SHC4: variants seen among roughly 807,000 people sequenced by gnomAD.
SHC4 encodes the protein SHC adaptor protein 4.
SHC4 carries 41 observed loss-of-function variants against 69.4 expected under a neutral mutation model. The ratio of observed to expected loss-of-function variants is 0.59; its 90% CI spans 0.46 to 0.77. The LOEUF is 0.77. Ranked by LOEUF, SHC4 falls within the 30% of genes least tolerant of loss-of-function variation. SHC4 has a pLI of 0.00. For missense variants in SHC4, 777 were observed against 783.8 expected (o/e 0.99, Z 0.10); for synonymous variants, 318 against 299.3 (o/e 1.06, Z -0.64).
In SHC4 at chr15:48,930,246, A is replaced by T. The variant is rs74012195; in HGVS notation, c.586-5297T>A. 6.9e-3 allele frequency among the ~76,000 whole-genome samples: 1,046 copies of T among 152,370 alleles called. 15 individuals carry two copies. Among genetic ancestry groups the T allele is most frequent in the African/African-American group, 0.024 (1,004 of 41,580 alleles). On this transcript the variant is annotated intron_variant, in intron 1 of 11. Transcript: ENST00000332408. ...ATACTTTTGTACTGTTTATACAAAT[A>T]AGTGTAAACATATTTATTTTTAAAA... is the stretch of plus-strand genomic sequence containing the variant.
intron 10 of SHC4, among the ~76,000 whole-genome samples, chr15:48,838,121 T>C (rs924939302): frequency 2.0e-5 from 3 of 152,216 alleles, no homozygotes; most frequent in South Asian, 2.1e-4. Flanking sequence ...TATAGAGCAA[T>C]TTAAAATAGT....
chr15:48,848,200 C>T (rs1899132962), intron 9 of SHC4, among the ~76,000 whole-genome samples: 1 of 152,122 alleles, frequency 6.6e-6, no homozygotes, highest in African/African-American at 2.4e-5. Flanking sequence ...TGATTCCTTC[C>T]ATCCCACCAT....
chr15:48,856,027 C>T lies in SHC4; in HGVS notation c.1168G>A (p.Asp390Asn). 3 of 1,613,968 alleles carry T rather than the reference C, an allele frequency of 1.9e-6. No individual in the cohort carries two copies. Among genetic ancestry groups the T allele is most frequent in the Non-Finnish European group, 2.5e-6 (3 of 1,179,882 alleles). The part of the protein sequence containing the change: ...GKQPPVGGVS[D>N]MRIKVQATEQ... ...GTGGCTTGAACTTTGATCCGCATAT[C>T]TGAAACACCACCTACTGGTGGCTGC... Residue 390 changes from aspartate (D) to asparagine (N), a missense_variant, in exon 8 of 12, where the codon GAT becomes AAT. Asp to Asn is a conservative substitution (Grantham distance 23). Coordinates refer to ENST00000332408, the MANE Select transcript of SHC4 (RefSeq NM_203349.4).
At chr15:48,936,786 A>T (rs1901079141) in intron 1 of SHC4, among the ~76,000 whole-genome samples, 1 of 152,218 alleles carries the variant, frequency 6.6e-6, no homozygotes. Context: ...TGAAAAAAGT[A>T]CTGGTCATCT....
chr15:48,856,338 G>C (rs753170294), intron 7 of SHC4, among the ~76,000 whole-genome samples: 2 of 152,182 alleles, frequency 1.3e-5, no homozygotes, highest in East Asian at 1.9e-4. Flanking sequence ...TAAGCCAATA[G>C]AAAGTGCCAA....
chr15:48,926,429 C>T lies in SHC4; in HGVS notation c.586-1480G>A, dbSNP rs548311554. Among the ~76,000 whole-genome samples the T allele has an allele frequency of 1.2e-3, 182 of 151,996 alleles. 1 individual carries two copies. Among genetic ancestry groups the T allele is most frequent in the Middle Eastern group, 3.4e-3 (1 of 294 alleles). On this transcript the variant is annotated intron_variant, in intron 1 of 11. Coordinates refer to ENST00000332408, the MANE Select transcript of SHC4 (RefSeq NM_203349.4). Reference sequence around the variant, plus strand: ...TGTCAGGAGCTGGTGGGGAGGGGCACCTACCCAAACACTTCTTGTATAATA... The same window carrying T: ...TGTCAGGAGCTGGTGGGGAGGGGCATCTACCCAAACACTTCTTGTATAATA...
chr15:48,934,994 A>G (rs1056266864), intron 1 of SHC4, among the ~76,000 whole-genome samples: 1 of 152,312 alleles, frequency 6.6e-6, no homozygotes, highest in Admixed American at 6.5e-5. Context: ...AATGTTCTGT[A>G]ATTGGTGATA....
At chr15:48,857,063 G>A (rs900878374) in intron 7 of SHC4, among the ~76,000 whole-genome samples, 8 of 152,042 alleles carry the variant, frequency 5.3e-5, no homozygotes, top group Non-Finnish European at 1.0e-4. Context: ...TTGTTTCTCC[G>A]GCATGAATTG....
intron 6 of SHC4, 39 bp downstream of exon 6, chr15:48,867,779 T>G (rs746844664): frequency 1.9e-6 from 3 of 1,580,108 alleles, no homozygotes; most frequent in Non-Finnish European, 2.6e-6. Flanking sequence ...AGTTGGTATA[T>G]ACCAGCTCTT....
At chr15:48,928,431 G>C (rs1900895186) in intron 1 of SHC4, among the ~76,000 whole-genome samples, 2 of 152,122 alleles carry the variant, frequency 1.3e-5, no homozygotes, top group Admixed American at 1.3e-4. Flanking sequence ...TGTTCAGACA[G>C]AAATGTCTGA....
chr15:48,934,982 A>C (rs1595762987), intron 1 of SHC4, among the ~76,000 whole-genome samples: 1 of 152,210 alleles, frequency 6.6e-6, no homozygotes, highest in East Asian at 1.9e-4. Flanking sequence ...GGGGTTGATA[A>C]AAATGTTCTG....
chr15:48,867,889 A>G lies in SHC4; in HGVS notation c.895-20T>C, dbSNP rs1319482736. 6.2e-7 allele frequency: 1 copy of G among 1,601,912 alleles called. No homozygotes were observed. Among genetic ancestry groups the G allele is most frequent in the Non-Finnish European group, 8.5e-7 (1 of 1,169,908 alleles). ...AGTATCCTATAAAAAAGGGAAAATGACTGTATTTAAAATGGATGAACTGTA... is the reference window on the plus strand; with the variant it reads ...AGTATCCTATAAAAAAGGGAAAATGGCTGTATTTAAAATGGATGAACTGTA... On this transcript the variant is annotated intron_variant, in intron 5 of 11. Transcript: ENST00000332408.
intron 11 of SHC4, among the ~76,000 whole-genome samples, chr15:48,833,398 T>C (rs966552762): frequency 1.3e-5 from 2 of 152,158 alleles, no homozygotes; most frequent in African/African-American, 2.4e-5. Flanking sequence ...TTGTCCATGG[T>C]CACAGGCATC....
At chr15:48,840,024 A>G (rs1457056581) in intron 10 of SHC4, among the ~76,000 whole-genome samples, 2 of 152,178 alleles carry the variant, frequency 1.3e-5, no homozygotes, top group Admixed American at 1.3e-4. Context: ...TCTGGGTCAC[A>G]TCCTTTAAAG....
chr15:48,833,596 G>A (rs965125152), intron 11 of SHC4, among the ~76,000 whole-genome samples: 1 of 152,138 alleles, frequency 6.6e-6, no homozygotes, highest in Non-Finnish European at 1.5e-5. Flanking sequence ...AAGCTATCCT[G>A]TGCTCTTCTT....
At chr15:48,900,784 G>A (rs1446705297) in intron 2 of SHC4, among the ~76,000 whole-genome samples, 6 of 152,192 alleles carry the variant, frequency 3.9e-5, no homozygotes, top group Non-Finnish European at 8.8e-5. Context: ...CTGAAGACTG[G>A]GTCTCAGCTC....
intron 1 of SHC4, among the ~76,000 whole-genome samples, chr15:48,951,454 A>T (rs532975010): frequency 6.6e-6 from 1 of 152,118 alleles, no homozygotes; most frequent in Admixed American, 6.5e-5. Context: ...TTCCTAAAGC[A>T]TATCTCTGCA....
chr15:48,876,078 A>G (rs1725296996), intron 4 of SHC4, among the ~76,000 whole-genome samples: 1 of 152,202 alleles, frequency 6.6e-6, no homozygotes, highest in Non-Finnish European at 1.5e-5. Context: ...TCTTTGTAGA[A>G]AAACAGTCAC....
chr15:48,851,351 C>T (rs1162086303), intron 8 of SHC4, 103 bp from the exon 9 acceptor site: 3 of 1,062,258 alleles, frequency 2.8e-6, no homozygotes, highest in Non-Finnish European at 2.8e-6. Flanking sequence ...GCAGACTTCA[C>T]TTTCTGACAC....
Sources: gnomAD v4.1 joint callset for allele counts (sites outside exome capture counted in the v4.1 genomes callset) on GRCh38, gnomAD v4.1.1 for gene constraint, MANE v1.5 for transcripts, NCBI Gene and HGNC (gene_info 2026-07-23, HGNC 2026-07-21) for gene names.